SIN3A: variants seen among roughly 807,000 people sequenced by gnomAD.
SIN3A encodes the protein paired amphipathic helix protein Sin3a.
In SIN3A, 14 loss-of-function variants were observed where a neutral mutation model predicts 146.1. That is an observed-to-expected ratio of 0.10 (90% CI 0.06 to 0.15). SIN3A has a LOEUF of 0.15. Among genes scored for constraint, SIN3A ranks in the 10% least tolerant of loss-of-function variants. The pLI is 1.00. For synonymous variants in SIN3A, 572 were observed against 572.0 expected, an observed-to-expected ratio of 1.00 and a Z score of 0.00; for missense variants, 1,028 against 1,576.0, an observed-to-expected ratio of 0.65 and a Z score of 5.89.
chr15:75,424,041 G>A (rs1210369396), intron 2 of SIN3A, among the ~76,000 whole-genome samples: 3 of 152,062 alleles, frequency 2.0e-5, no homozygotes, highest in African/African-American at 7.2e-5. Flanking sequence ...ACTGTCTGTG[G>A]TAAAGGATGA....
At chr15:75,393,719 T>C (rs1440068967) in intron 14 of SIN3A, among the ~76,000 whole-genome samples, 1 of 151,844 alleles carries the variant, frequency 6.6e-6, no homozygotes, top group Non-Finnish European at 1.5e-5. Flanking sequence ...ATAAAGGATA[T>C]GATATGAGAT....
chr15:75,407,110 G>A lies in SIN3A; in HGVS notation c.1352C>T (p.Ser451Phe). The A allele has an allele frequency of 2.5e-6, 4 of 1,612,786 alleles. No individual in the cohort carries two copies. Among genetic ancestry groups the A allele is most frequent in the East Asian group, 2.2e-5 (1 of 44,848 alleles). ...ACCATGTTTGCTGGCATCTGCCATA[G>A]AAGAATCCTTCAGATTGAGCAGTTT... ...KPKLLNLKDS[S>F]MADASKHGGG... Residue 451 changes from serine (S) to phenylalanine (F), a missense_variant, in exon 9 of 21, where the codon TCT becomes TTT. Physicochemically the swap from Ser to Phe is radical, Grantham distance 155. Transcript: ENST00000394947.
chr15:75,392,001 C>T (rs1408768416), intron 15 of SIN3A, among the ~76,000 whole-genome samples: 1 of 152,194 alleles, frequency 6.6e-6, no homozygotes. Context: ...TTCCCAGGTG[C>T]GTCCACAGTA....
rs1196534680 is a variant in SIN3A, at chr15:75,409,995, A to T, written c.1162-4T>A. 1 of 1,614,000 alleles carries T rather than the reference A, an allele frequency of 6.2e-7. No homozygotes were observed. Among genetic ancestry groups the T allele is most frequent in the Non-Finnish European group, 8.5e-7 (1 of 1,179,978 alleles). On this transcript the variant is annotated splice_polypyrimidine_tract_variant and splice_region_variant and intron_variant, in intron 7 of 20. Transcript: ENST00000394947. The stretch of plus-strand genomic sequence containing the variant: ...CAGCAGTTGTTTTGCTTAAAAGCTG[A>T]TTAAGACACATGAATGAGATTAATG...
intron 3 of SIN3A, chr15:75,421,641 T>C (rs1435234943): frequency 1.3e-5 from 2 of 152,232 alleles, no homozygotes; most frequent in Non-Finnish European, 1.5e-5. Context: ...AGAGGGTTTA[T>C]TTCTCATTCG....
intron 3 of SIN3A, among the ~76,000 whole-genome samples, chr15:75,416,874 G>C (rs2141516377): frequency 6.6e-6 from 1 of 152,260 alleles, no homozygotes; most frequent in East Asian, 1.9e-4. Context: ...CTAGACTGTG[G>C]ATCTTCAGAT....
chr15:75,387,724 G>T (rs886820141), intron 16 of SIN3A, among the ~76,000 whole-genome samples: 19 of 151,942 alleles, frequency 1.3e-4, no homozygotes, highest in Admixed American at 3.9e-4. Flanking sequence ...TGTGCTGGTG[G>T]TATGAAAGAC....
chr15:75,431,208 C>G (rs2074008544), intron 1 of SIN3A, among the ~76,000 whole-genome samples: 1 of 152,190 alleles, frequency 6.6e-6, no homozygotes. Flanking sequence ...AGATTCTAGA[C>G]TTGCCAATTT....
chr15:75,400,658 T>C, intron 11 of SIN3A, 72 bp downstream of exon 11: 1 of 1,042,482 alleles, frequency 9.6e-7, no homozygotes, highest in Non-Finnish European at 1.4e-6. Context: ...AAATTCTCAA[T>C]CCTTGGTACC....
At chr15:75,424,554 G>A (rs960405794) in intron 2 of SIN3A, among the ~76,000 whole-genome samples, 5 of 151,912 alleles carry the variant, frequency 3.3e-5, no homozygotes, top group Non-Finnish European at 7.4e-5. Flanking sequence ...GCTCACTGCA[G>A]CCTTGACCTC....
Position 75,441,261 on chromosome 15 carries a change from G to A in SIN3A, c.-34+10162C>T, listed in dbSNP as rs968726934. The stretch of plus-strand genomic sequence containing the variant: ...GGAGGTGGAGGTTGACCGAGATCTC[G>A]CCACTACACTCCAGCGTGGGCAACA... On this transcript the variant is annotated intron_variant, in intron 1 of 20. Coordinates refer to ENST00000394947, the MANE Select transcript of SIN3A (RefSeq NM_001145358.2). Among the ~76,000 whole-genome samples the A allele has an allele frequency of 1.8e-4, 28 of 151,732 alleles. No individual in the cohort carries two copies. The East Asian group carries it at 1.9e-3, about 10-fold the overall frequency.
rs1338568339 is a variant in SIN3A, at chr15:75,430,172, T to C, written c.189+15A>G. ...CTCTTCCCTCATTCTAGTCCCTTGG[T>C]TGGCTCCAGCTTACCTGGTAGCTGG... is the stretch of plus-strand genomic sequence containing the variant. On this transcript the variant is annotated intron_variant, in intron 2 of 20. Coordinates refer to ENST00000394947, the MANE Select transcript of SIN3A (RefSeq NM_001145358.2). 4 of 1,605,470 alleles carry C rather than the reference T, an allele frequency of 2.5e-6. No homozygotes were observed. Among genetic ancestry groups the C allele is most frequent in the Non-Finnish European group, 3.4e-6 (4 of 1,172,284 alleles).
rs1317167192 is a variant in SIN3A at position 75,369,797 on chromosome 15, G to C, written c.*2182C>G. On this transcript the variant is annotated 3_prime_UTR_variant, in exon 21 of 21. Coordinates refer to ENST00000394947, the MANE Select transcript of SIN3A (RefSeq NM_001145358.2). ...CCTTTCTTGAGGGAACACGGGGATA[G>C]GTGAATTATTTGAGAAAACCTCAAG... 6.6e-6 allele frequency: 1 copy of C among 152,204 alleles called. No homozygotes were observed. Among genetic ancestry groups the C allele is most frequent in the Non-Finnish European group, 1.5e-5 (1 of 68,050 alleles). 9.4% of individuals were successfully genotyped at this position (152,204 alleles called of 1,614,324 possible). A position where few individuals can be genotyped will look rare whatever the true frequency, so the allele number is the denominator to read the frequency against.
At chr15:75,443,623 T>C (rs1407678470) in intron 1 of SIN3A, 1 of 151,816 alleles carries the variant, frequency 6.6e-6, no homozygotes, top group African/African-American at 2.4e-5. Context: ...AGGGCTGAGG[T>C]GAGATTGCTT....
At chr15:75,374,313 G>C (rs768472707) in intron 20 of SIN3A, among the ~76,000 whole-genome samples, 14 of 152,174 alleles carry the variant, frequency 9.2e-5, no homozygotes, top group Non-Finnish European at 1.9e-4. Flanking sequence ...GGCCAACATG[G>C]TGAAATCCCA....
chr15:75,437,954 A>G (rs937311869), intron 1 of SIN3A, among the ~76,000 whole-genome samples: 1 of 152,100 alleles, frequency 6.6e-6, no homozygotes, highest in African/African-American at 2.4e-5. Context: ...CAGGAGGTGG[A>G]GGTTAGATTA....
In SIN3A at chr15:75,445,688, G is replaced by C. The variant is rs570323918; in HGVS notation, c.-34+5735C>G. On this transcript the variant is annotated intron_variant, in intron 1 of 20. Coordinates refer to ENST00000394947, the MANE Select transcript of SIN3A (RefSeq NM_001145358.2). ...AAGCTGGGTGTGTGTATGTGTGTGT[G>C]TGCAATGAGCCGAGATAGTACCACT... 2.7e-5 allele frequency among the ~76,000 whole-genome samples: 4 copies of C among 148,804 alleles called. No individual in the cohort carries two copies. The Admixed American group carries it at 2.7e-4, about 10-fold the overall frequency.
chr15:75,406,487 A>G (rs1035123515), intron 9 of SIN3A, among the ~76,000 whole-genome samples: 5 of 152,206 alleles, frequency 3.3e-5, no homozygotes, highest in African/African-American at 1.2e-4. Flanking sequence ...GGAGATCGAG[A>G]CCATCCTGGC....
In SIN3A at chr15:75,380,722, C is replaced by T; in HGVS notation, c.3290G>A (p.Arg1097His). 1 of 1,612,700 alleles carries T rather than the reference C, an allele frequency of 6.2e-7. No homozygotes were observed. The highest frequency in any genetic ancestry group is 8.5e-7 in the Non-Finnish European group (1 of 1,178,938). The change falls in exon 19 of 21, where the codon CGC becomes CAC. Residue 1097 changes from arginine (R) to histidine (H), a missense_variant and splice_region_variant. Physicochemically the swap from Arg to His is conservative, Grantham distance 29. Transcript: ENST00000394947. ...ENSDDPVEAERWSDYVERYMN... is the reference protein window; with the variant it reads ...ENSDDPVEAEHWSDYVERYMN... ...GTATCGCTCCACGTAGTCTGACCAG[C>T]GCTAAGATGGCAAACACAAAATACA...
Sources: gnomAD v4.1 joint callset for allele counts (sites outside exome capture counted in the v4.1 genomes callset) on GRCh38, gnomAD v4.1.1 for gene constraint, MANE v1.5 for transcripts, NCBI Gene and HGNC (gene_info 2026-07-23, HGNC 2026-07-21) for gene names.